LSAMP: variants seen among roughly 807,000 people sequenced by gnomAD.
LSAMP encodes the protein limbic system-associated membrane protein.
A neutral mutation model predicts 38.6 loss-of-function variants in LSAMP; 7 were observed. The observed-to-expected ratio is 0.18, with a 90% CI of 0.10 to 0.34. LSAMP has a LOEUF of 0.34. Ranked by LOEUF, LSAMP falls within the 10% of genes least tolerant of loss-of-function variation. LSAMP has a pLI of 1.00. For missense variants in LSAMP, 313 were observed against 420.0 expected (o/e 0.75, Z 2.23); for synonymous variants, 154 against 166.8 (o/e 0.92, Z 0.59).
intron 3 of LSAMP, among the ~76,000 whole-genome samples, chr3:115,905,239 A>C (rs1218392322): frequency 6.6e-6 from 1 of 152,038 alleles, no homozygotes; most frequent in East Asian, 1.9e-4. Context: ...TAGTGATGAA[A>C]AGTTTCTCAC....
intron 1 of LSAMP, among the ~76,000 whole-genome samples, chr3:116,315,249 C>G (rs2047613218): frequency 6.6e-6 from 1 of 152,152 alleles, no homozygotes; most frequent in African/African-American, 2.4e-5. Flanking sequence ...CCTACTTCTT[C>G]CTATAGCCTC....
chr3:115,820,022 CTTT>C (rs34311842), intron 6 of LSAMP, among the ~76,000 whole-genome samples: 70 of 145,532 alleles, frequency 4.8e-4, no homozygotes, highest in Admixed American at 1.6e-3. Context: ...GAAATAAACA[CTTT>C]TTTTTTTTTT....
chr3:116,012,300 C>T (rs1271910844), intron 3 of LSAMP, among the ~76,000 whole-genome samples: 1 of 152,096 alleles, frequency 6.6e-6, no homozygotes, highest in East Asian at 1.9e-4. Flanking sequence ...TTCTGTGTAA[C>T]TCCTCTCTGT....
At chr3:116,118,657 G>A (rs1708807192) in intron 1 of LSAMP, among the ~76,000 whole-genome samples, 1 of 152,102 alleles carries the variant, frequency 6.6e-6, no homozygotes, top group African/African-American at 2.4e-5. Flanking sequence ...TTAGCTCCGT[G>A]AGACCAGAGG....
chr3:116,127,413 A>G (rs1709031539), intron 1 of LSAMP, among the ~76,000 whole-genome samples: 1 of 152,196 alleles, frequency 6.6e-6, no homozygotes, highest in Admixed American at 6.5e-5. Flanking sequence ...CCTTTCTTTA[A>G]TGCAGTAAAG....
chr3:116,343,497 T>G (rs574224077), intron 1 of LSAMP, among the ~76,000 whole-genome samples: 1 of 152,214 alleles, frequency 6.6e-6, no homozygotes, highest in African/African-American at 2.4e-5. Context: ...CTAATACAAG[T>G]GCTTTAATGG....
chr3:115,893,840 A>G (rs1207977139), intron 3 of LSAMP, among the ~76,000 whole-genome samples: 3 of 152,022 alleles, frequency 2.0e-5, no homozygotes, highest in African/African-American at 7.2e-5. Flanking sequence ...GAGGACTTAC[A>G]AATTATAGAA....
chr3:115,837,411 G>A (rs2107495216), intron 6 of LSAMP, among the ~76,000 whole-genome samples: 1 of 152,040 alleles, frequency 6.6e-6, no homozygotes. Context: ...TAATGTGTGG[G>A]AATATTCTCC....
At chr3:115,854,267 A>C (rs1241499066) in intron 3 of LSAMP, among the ~76,000 whole-genome samples, 1 of 120,008 alleles carries the variant, frequency 8.3e-6, no homozygotes, top group Non-Finnish European at 1.7e-5. Context: ...TATTATTATT[A>C]TTATTATTAT....
At chr3:115,972,909 T>C (rs1468263210) in intron 3 of LSAMP, among the ~76,000 whole-genome samples, 1 of 149,912 alleles carries the variant, frequency 6.7e-6, no homozygotes. Context: ...TTGAATTATA[T>C]ATTATTAATA....
chr3:116,105,745 A>G (rs1308018875), intron 1 of LSAMP, among the ~76,000 whole-genome samples: 1 of 152,196 alleles, frequency 6.6e-6, no homozygotes, highest in Non-Finnish European at 1.5e-5. Context: ...TATACGTGCA[A>G]GTCACAGGGG....
intron 1 of LSAMP, among the ~76,000 whole-genome samples, chr3:116,360,302 G>C (rs1480543365): frequency 1.3e-5 from 1 of 78,164 alleles, no homozygotes; most frequent in Non-Finnish European, 2.6e-5. Flanking sequence ...TTTTCAGACC[G>C]GATTAAGAAA....
At chr3:116,028,247 T>A (rs1225814344) in intron 2 of LSAMP, among the ~76,000 whole-genome samples, 1 of 152,130 alleles carries the variant, frequency 6.6e-6, no homozygotes, top group Admixed American at 6.6e-5. Flanking sequence ...ACATCAAACA[T>A]CCATCTAACC....
chr3:115,907,817 G>A (rs1937044135), intron 3 of LSAMP, among the ~76,000 whole-genome samples: 2 of 152,128 alleles, frequency 1.3e-5, no homozygotes, highest in African/African-American at 2.4e-5. Context: ...TGAAGAAACA[G>A]AGAGTTGTAT....
At chr3:116,350,917 A>G (rs1559837793) in intron 1 of LSAMP, among the ~76,000 whole-genome samples, 2 of 152,016 alleles carry the variant, frequency 1.3e-5, no homozygotes, top group African/African-American at 2.4e-5. Context: ...CTTGGTTAAG[A>G]TGGAAAAGGC....
At chr3:115,818,821 T>TATATATATATATATATATATAA (rs1172422801) in intron 6 of LSAMP, among the ~76,000 whole-genome samples, 4 of 124,218 alleles carry the variant, frequency 3.2e-5, no homozygotes, top group Non-Finnish European at 6.8e-5. Flanking sequence ...TATATATATA[T>TATATATATATATATATATATAA]AACTGCAGCA....
chr3:116,426,967 A>T (rs2049204758), intron 1 of LSAMP, among the ~76,000 whole-genome samples: 2 of 152,006 alleles, frequency 1.3e-5, no homozygotes, highest in Admixed American at 1.3e-4. Context: ...GGTAGCATAC[A>T]ACCTGAGACT....
At chr3:116,190,252 T>G (rs568351290) in intron 1 of LSAMP, among the ~76,000 whole-genome samples, 89 of 152,266 alleles carry the variant, frequency 5.8e-4, no homozygotes, top group African/African-American at 2.0e-3. Flanking sequence ...ATATGTGATA[T>G]GTAATTAAGC....
intron 1 of LSAMP, among the ~76,000 whole-genome samples, chr3:116,322,968 A>G (rs1410243596): frequency 6.6e-6 from 1 of 152,138 alleles, no homozygotes; most frequent in East Asian, 1.9e-4. Flanking sequence ...TATGTGAACA[A>G]TGTGACAAAA....
Sources: allele counts gnomAD v4.1 joint callset (sites outside exome capture counted in the v4.1 genomes callset), GRCh38; gene constraint gnomAD v4.1.1; transcripts MANE v1.5; gene names NCBI Gene and HGNC (gene_info 2026-07-23, HGNC 2026-07-21).